Variants in RAPH1 observed in about 807,000 individuals in gnomAD.
The protein encoded by RAPH1 is Ras association (RalGDS/AF-6) and pleckstrin homology domains 1.
Under a neutral mutation model 88.1 loss-of-function variants are expected in RAPH1, and 18 were observed. The observed-to-expected ratio is 0.20, with a 90% CI of 0.14 to 0.30. RAPH1 has a LOEUF of 0.30. RAPH1 is among the 10% of genes least tolerant of loss of function. The probability of loss-of-function intolerance (pLI) is 1.00; values close to 1 mark genes in which losing one functional copy is unlikely to be tolerated. For synonymous variants in RAPH1, 587 were observed against 559.0 expected, an observed-to-expected ratio of 1.05 and a Z score of -0.71; for missense variants, 1,448 against 1,543.2, an observed-to-expected ratio of 0.94 and a Z score of 1.03.
chr2:203,454,882 G>A (rs115641915), intron 9 of RAPH1, among the ~76,000 whole-genome samples: 5 of 152,260 alleles, frequency 3.3e-5, no homozygotes, highest in Admixed American at 1.3e-4. Context: ...ATATCAAGTC[G>A]TTCAGTGCCT....
chr2:203,489,553 A>C, intron 4 of RAPH1, 31 bp downstream of exon 4: 1 of 1,421,210 alleles, frequency 7.0e-7, no homozygotes, highest in South Asian at 1.9e-5. Flanking sequence ...TTTAATAACA[A>C]AATACCAGGG....
intron 3 of RAPH1, among the ~76,000 whole-genome samples, 168 bp downstream of exon 3, chr2:203,491,044 CAA>C (rs1234982757): frequency 3.0e-4 from 16 of 52,698 alleles, no homozygotes; most frequent in Admixed American, 6.3e-4. Context: ...AACTCTGTCT[CAA>C]AAAAAAAAAA....
chr2:203,485,196 G>C (rs1395351081), intron 4 of RAPH1, among the ~76,000 whole-genome samples: 2 of 152,078 alleles, frequency 1.3e-5, no homozygotes, highest in African/African-American at 4.8e-5. Flanking sequence ...TTGAGGTCAG[G>C]AGTTCGAGAC....
intron 1 of RAPH1, among the ~76,000 whole-genome samples, chr2:203,497,980 C>T (rs1688590208): frequency 6.6e-6 from 1 of 152,122 alleles, no homozygotes; most frequent in Non-Finnish European, 1.5e-5. Context: ...TTTGAGAACA[C>T]TCAGGAGCAG....
At position 203,441,204 on chromosome 2, in the gene RAPH1, T is replaced by C. The variant is rs770975199; in HGVS notation, c.1986A>G (p.Pro662=). The C allele has an allele frequency of 1.4e-6, 2 of 1,463,742 alleles. No individual in the cohort carries two copies. Among genetic ancestry groups the C allele is most frequent in the Non-Finnish European group, 1.8e-6 (2 of 1,088,938 alleles). 90.7% of individuals were successfully genotyped at this position (1,463,742 alleles called of 1,614,324 possible). A position where few individuals can be genotyped will look rare whatever the true frequency, so the allele number is the denominator to read the frequency against. Residue 662 remains proline, a synonymous_variant, in exon 14 of 14, where the codon CCA becomes CCG. Transcript: ENST00000319170. ...QSAPSAGSAA[P]MFVKYSTITR... ...TTATTGTGCTGTACTTGACGAACAT[T>C]GGGGCTGCTGAGCCTGCAGAAGGTG...
chr2:203,489,257 T>C (rs930432128), intron 4 of RAPH1, among the ~76,000 whole-genome samples: 1 of 152,234 alleles, frequency 6.6e-6, no homozygotes, highest in African/African-American at 2.4e-5. Flanking sequence ...TAAATCAACA[T>C]ACATTAAATA....
chr2:203,504,000 C>A (rs536078682), intron 1 of RAPH1, among the ~76,000 whole-genome samples: 1 of 152,170 alleles, frequency 6.6e-6, no homozygotes, highest in Admixed American at 6.5e-5. Flanking sequence ...GCAGCTCTGC[C>A]CCTGTGGCTT....
intron 4 of RAPH1, among the ~76,000 whole-genome samples, chr2:203,480,198 A>G (rs758037741): frequency 1.8e-4 from 27 of 152,234 alleles, no homozygotes; most frequent in Non-Finnish European, 3.4e-4. Context: ...ATGTTAAAAC[A>G]AAGTGCCATT....
chr2:203,502,672 T>C (rs1217701607), intron 1 of RAPH1, among the ~76,000 whole-genome samples: 2 of 150,442 alleles, frequency 1.3e-5, no homozygotes, highest in Non-Finnish European at 2.9e-5. Context: ...ATACAAAAAT[T>C]AGCCGGGTGT....
At chr2:203,517,755 C>T (rs1316910740) in intron 1 of RAPH1, among the ~76,000 whole-genome samples, 3 of 151,928 alleles carry the variant, frequency 2.0e-5, no homozygotes, top group African/African-American at 4.8e-5. Flanking sequence ...ACACAACAAC[C>T]TCTTAAATAA....
chr2:203,512,546 A>G (rs1689395084), intron 1 of RAPH1, among the ~76,000 whole-genome samples: 1 of 151,692 alleles, frequency 6.6e-6, no homozygotes, highest in Non-Finnish European at 1.5e-5. Context: ...TGACAAGAAT[A>G]GTCTAAAAAA....
Position 203,489,700 on chromosome 2 carries a change from T to C in RAPH1, c.616A>G (p.Asn206Asp), listed in dbSNP as rs1169469365. The change falls in exon 4 of 14, where the codon AAT (asparagine) becomes GAT (aspartate). Residue 206 changes from asparagine to aspartate, a missense_variant. Coordinates refer to ENST00000319170, the MANE Select transcript of RAPH1 (RefSeq NM_213589.3). ...GAAGTGATGCTGGAATGGGAGGAATTACTAATAGAGTGTACTTCAGCATCA... is the reference window on the plus strand; with the variant it reads ...GAAGTGATGCTGGAATGGGAGGAATCACTAATAGAGTGTACTTCAGCATCA... The part of the protein sequence containing the change: ...VSDAEVHSIS[N>D]SSHSSITSAA... The C allele has an allele frequency of 6.2e-7, 1 of 1,614,164 alleles. No individual in the cohort carries two copies. The highest frequency in any genetic ancestry group is 1.1e-5 in the South Asian group (1 of 91,078).
At chr2:203,506,891 T>G (rs1282977866) in intron 1 of RAPH1, among the ~76,000 whole-genome samples, 1,821 of 114,112 alleles carry the variant, frequency 0.016, 100 homozygotes, top group Middle Eastern at 0.024. Flanking sequence ...GATATATATA[T>G]ATATATATTT....
At chr2:203,442,107 G>A (rs897204724) in intron 13 of RAPH1, 20 of 1,582,866 alleles carry the variant, frequency 1.3e-5, no homozygotes, top group Non-Finnish European at 1.6e-5. Flanking sequence ...GAAATGCTTT[G>A]TAAACATTAT....
At position 203,441,336 on chromosome 2, in the gene RAPH1, G is replaced by GACCC; in HGVS notation, c.1853_1854insGGGT (p.Tyr619GlyfsTer68). ...GTGGTGAAGGCTGTGAAGCAGTGTA[G>GACCC]GGGGTGACTATCTTAGGTTGCGGGG... On this transcript the variant is annotated frameshift_variant, in exon 14 of 14. Transcript: ENST00000319170. LOFTEE classifies it low-confidence loss of function (END_TRUNC). The GACCC allele has an allele frequency of 6.3e-7, 1 of 1,579,710 alleles. No homozygotes were observed. The highest frequency in any genetic ancestry group is 8.6e-7 in the Non-Finnish European group (1 of 1,164,650).
chr2:203,437,729 G>A lies in RAPH1; in HGVS notation c.*1708C>T. On this transcript the variant is annotated 3_prime_UTR_variant, in exon 14 of 14. Coordinates refer to ENST00000319170, the MANE Select transcript of RAPH1 (RefSeq NM_213589.3). ...ACCTTGAGTATACTGTACTAATTAA[G>A]CACTTTTGCTCATTCTAGAATTATT... 5.5e-6 allele frequency: 1 copy of A among 182,284 alleles called. No individual in the cohort carries two copies. The highest frequency in any genetic ancestry group is 1.1e-5 in the Non-Finnish European group (1 of 87,906). The allele number at this position is 182,284 out of a possible 1,614,324, so 11.3% of individuals were successfully genotyped here.
chr2:203,520,573 GC>G (rs1225667959), intron 1 of RAPH1, among the ~76,000 whole-genome samples: 10 of 151,916 alleles, frequency 6.6e-5, no homozygotes, highest in Admixed American at 3.9e-4. Flanking sequence ...GATGCAGTGA[GC>G]TGAGATCATG....
intron 2 of RAPH1, among the ~76,000 whole-genome samples, chr2:203,494,530 C>T (rs1359652515): frequency 5.3e-5 from 8 of 151,980 alleles, no homozygotes; most frequent in Admixed American, 5.2e-4. Flanking sequence ...TACATGGGGC[C>T]AGGCATGGTG....
intron 4 of RAPH1, among the ~76,000 whole-genome samples, chr2:203,464,420 C>T (rs530490222): frequency 7.2e-5 from 11 of 152,214 alleles, no homozygotes; most frequent in South Asian, 2.1e-4. Flanking sequence ...TACAGATGCC[C>T]GCCACCATGC....
Sources: gnomAD v4.1 joint callset for allele counts (sites outside exome capture counted in the v4.1 genomes callset) on GRCh38, gnomAD v4.1.1 for gene constraint, MANE v1.5 for transcripts, NCBI Gene and HGNC (gene_info 2026-07-23, HGNC 2026-07-21) for gene names.